Variants in FTO observed in about 807,000 individuals in gnomAD.
FTO encodes alpha-ketoglutarate-dependent dioxygenase FTO.
A neutral mutation model predicts 63.9 loss-of-function variants in FTO; 47 were observed. The observed-to-expected ratio is 0.74, with a 90% CI of 0.58 to 0.94. FTO has a LOEUF of 0.94. Ranked by LOEUF, FTO falls within the 40% of genes least tolerant of loss-of-function variation. The probability of loss-of-function intolerance (pLI) is 0.00; values close to 1 mark genes in which losing one functional copy is unlikely to be tolerated. For missense variants in FTO, 562 were observed against 618.1 expected (o/e 0.91, Z 0.96); for synonymous variants, 207 against 224.4 (o/e 0.92, Z 0.69).
chr16:53,788,581 C>T (rs902682392), intron 1 of FTO, among the ~76,000 whole-genome samples: 19 of 134,720 alleles, frequency 1.4e-4, no homozygotes, highest in African/African-American at 2.9e-4. Flanking sequence ...CCAGCCTGGG[C>T]GACAGAGCTA....
chr16:54,055,076 C>A (rs563425934), intron 8 of FTO, among the ~76,000 whole-genome samples: 1 of 152,222 alleles, frequency 6.6e-6, no homozygotes, highest in South Asian at 2.1e-4. Flanking sequence ...GTCTTTAGAA[C>A]AAGATTAATT....
At chr16:54,089,761 G>A (rs2086335597) in intron 8 of FTO, among the ~76,000 whole-genome samples, 3 of 151,330 alleles carry the variant, frequency 2.0e-5, no homozygotes, top group Non-Finnish European at 2.9e-5. Context: ...TATATAAATG[G>A]CAAATAAATA....
intron 8 of FTO, among the ~76,000 whole-genome samples, chr16:54,058,269 G>A (rs745671785): frequency 3.9e-5 from 6 of 151,966 alleles, no homozygotes; most frequent in Admixed American, 6.6e-5. Context: ...ACACCACCAC[G>A]TGTCAGTAGT....
chr16:53,942,014 A>T (rs181208155), intron 8 of FTO, among the ~76,000 whole-genome samples: 3 of 152,210 alleles, frequency 2.0e-5, no homozygotes, highest in South Asian at 2.1e-4. Context: ...CTCTCAATCT[A>T]TTCCAGTGTT....
chr16:53,733,205 G>A (rs1388917577), intron 1 of FTO, among the ~76,000 whole-genome samples: 2 of 152,246 alleles, frequency 1.3e-5, no homozygotes, highest in South Asian at 2.1e-4. Flanking sequence ...TTCGAGACTA[G>A]CCTGCCAAAC....
At chr16:53,740,788 A>C (rs145170000) in intron 1 of FTO, among the ~76,000 whole-genome samples, 70 of 152,346 alleles carry the variant, frequency 4.6e-4, no homozygotes, top group African/African-American at 1.7e-3. Context: ...TGCACACCCC[A>C]GATGAATACA....
At chr16:53,721,110 T>A (rs1173720292) in intron 1 of FTO, among the ~76,000 whole-genome samples, 2 of 152,164 alleles carry the variant, frequency 1.3e-5, no homozygotes, top group East Asian at 3.8e-4. Context: ...TTTTCAAACA[T>A]GAAGTACTAA....
In FTO at chr16:54,114,051, A is replaced by C. The variant is rs1327757437; in HGVS notation, c.*2136A>C. 1 of 152,026 alleles carries C rather than the reference A, an allele frequency of 6.6e-6. No homozygotes were observed. The highest frequency in any genetic ancestry group is 1.5e-5 in the Non-Finnish European group (1 of 68,030). 9.4% of individuals were successfully genotyped at this position (152,026 alleles called of 1,614,324 possible). A position where few individuals can be genotyped will look rare whatever the true frequency, so the allele number is the denominator to read the frequency against. ...TCGATCTCAACCTCGTGATCCACCC[A>C]CCTCGGTCTCCCAAAGCGCTGGGAT... On this transcript the variant is annotated 3_prime_UTR_variant, in exon 9 of 9. Transcript: ENST00000471389.
chr16:53,874,626 G>A (rs1227394695), intron 5 of FTO, among the ~76,000 whole-genome samples: 1 of 152,200 alleles, frequency 6.6e-6, no homozygotes. Context: ...TTGGGCGGAA[G>A]TGGTACAACA....
intron 2 of FTO, among the ~76,000 whole-genome samples, chr16:53,811,094 C>G (rs1435915615): frequency 1.3e-5 from 2 of 152,186 alleles, no homozygotes; most frequent in African/African-American, 4.8e-5. Flanking sequence ...TTTGCCCAGC[C>G]TAGTTCATGC....
intron 8 of FTO, among the ~76,000 whole-genome samples, chr16:54,108,829 T>TA (rs1391406767): frequency 1.3e-5 from 2 of 152,176 alleles, no homozygotes; most frequent in Non-Finnish European, 2.9e-5. Context: ...GTCATGCCCC[T>TA]GGAGAGCAGC....
intron 8 of FTO, among the ~76,000 whole-genome samples, chr16:54,075,365 A>G (rs1418458746): frequency 6.6e-6 from 1 of 152,220 alleles, no homozygotes; most frequent in African/African-American, 2.4e-5. Flanking sequence ...GACAGTGTCA[A>G]TCCAGCTCTC....
chr16:53,907,295 AG>A (rs2081563903), intron 7 of FTO, among the ~76,000 whole-genome samples: 1 of 152,240 alleles, frequency 6.6e-6, no homozygotes, highest in Non-Finnish European at 1.5e-5. Flanking sequence ...ACCCTTGGCA[AG>A]ATCATCTAAG....
At chr16:53,917,507 G>T (rs981143605) in intron 7 of FTO, among the ~76,000 whole-genome samples, 1 of 152,110 alleles carries the variant, frequency 6.6e-6, no homozygotes, top group Admixed American at 6.6e-5. Context: ...ACAGGGCTTG[G>T]CACACGGTAA....
At chr16:53,848,912 G>C (rs1287607544) in intron 4 of FTO, among the ~76,000 whole-genome samples, 1 of 152,128 alleles carries the variant, frequency 6.6e-6, no homozygotes, top group Non-Finnish European at 1.5e-5. Flanking sequence ...TCATGACTCT[G>C]TTCTCTCTGC....
intron 4 of FTO, among the ~76,000 whole-genome samples, chr16:53,854,894 T>C (rs574529655): frequency 7.9e-4 from 120 of 152,342 alleles, no homozygotes; most frequent in African/African-American, 2.8e-3. Context: ...TTTCATGATA[T>C]TGATTCTTCC....
chr16:53,908,938 C>G (rs1176413385), intron 7 of FTO, among the ~76,000 whole-genome samples: 1 of 152,082 alleles, frequency 6.6e-6, no homozygotes. Flanking sequence ...ATAAACATGT[C>G]TTGAGCATGA....
chr16:54,011,851 A>G lies in FTO; in HGVS notation c.1364+77742A>G, dbSNP rs140225310. Among the ~76,000 whole-genome samples, 56 of 152,322 alleles carry G rather than the reference A, an allele frequency of 3.7e-4. No homozygotes were observed. The East Asian group carries it at 9.3e-3, about 25-fold the overall frequency. On this transcript the variant is annotated intron_variant, in intron 8 of 8. Transcript: ENST00000471389. ...CCCTCATCCATATAAGATGGTGAACATAATAAATGTTGTGTGTGTTCTGAG... is the reference window on the plus strand; with the variant it reads ...CCCTCATCCATATAAGATGGTGAACGTAATAAATGTTGTGTGTGTTCTGAG...
intron 1 of FTO, among the ~76,000 whole-genome samples, chr16:53,779,707 T>G (rs2077542056): frequency 6.6e-6 from 1 of 152,234 alleles, no homozygotes; most frequent in Admixed American, 6.5e-5. Context: ...GTAACTCATC[T>G]GAATAATGCA....
Sources: gnomAD v4.1 joint callset for allele counts (sites outside exome capture counted in the v4.1 genomes callset) on GRCh38, gnomAD v4.1.1 for gene constraint, MANE v1.5 for transcripts, NCBI Gene and HGNC (gene_info 2026-07-23, HGNC 2026-07-21) for gene names.